SULF2: variants seen among roughly 807,000 people sequenced by gnomAD.
SULF2 encodes sulfatase 2, also known as extracellular sulfatase Sulf-2.
A neutral mutation model predicts 107.7 loss-of-function variants in SULF2; 52 were observed. The ratio of observed to expected loss-of-function variants is 0.48; its 90% CI spans 0.39 to 0.61. The LOEUF (loss-of-function observed/expected upper bound fraction) is 0.61, where lower values mean the gene tolerates loss of function less well. Ranked by LOEUF, SULF2 falls within the 20% of genes least tolerant of loss-of-function variation. SULF2 has a pLI of 0.00. For missense variants in SULF2, 993 were observed against 1,177.3 expected, an observed-to-expected ratio of 0.84 and a Z score of 2.29; for synonymous variants, 460 against 464.3, an observed-to-expected ratio of 0.99 and a Z score of 0.12.
In SULF2 at chr20:47,663,761, A is replaced by C. The variant is rs2087169181; in HGVS notation, c.2058-139T>G. 5 of 1,010,248 alleles carry C rather than the reference A, an allele frequency of 4.9e-6. No individual in the cohort carries two copies. In the South Asian group the frequency reaches 8.2e-5, roughly 16 times the overall value. 62.6% of individuals were successfully genotyped at this position (1,010,248 alleles called of 1,614,324 possible). On this transcript the variant is annotated intron_variant, in intron 15 of 20. Coordinates refer to ENST00000688720, the MANE Select transcript of SULF2 (RefSeq NM_001387048.1). ...ATGGGCATAGCAATTCAGGGTCCCA[A>C]GTCCCAGTGCTGCTCCAAGGCAGAG... is the stretch of plus-strand genomic sequence containing the variant.
chr20:47,773,831 C>A (rs954789044), intron 1 of SULF2, among the ~76,000 whole-genome samples: 1 of 152,174 alleles, frequency 6.6e-6, no homozygotes, highest in African/African-American at 2.4e-5. Context: ...CCTTTTCAGC[C>A]CCACATTTTC....
chr20:47,745,430 T>A (rs1418728775), intron 2 of SULF2, among the ~76,000 whole-genome samples: 2 of 5,512 alleles, frequency 3.6e-4, no homozygotes, highest in African/African-American at 1.9e-3. Flanking sequence ...TATATATATA[T>A]ATATATATAT....
rs115873541 is a variant in SULF2, at chr20:47,690,250, G to A, written c.613C>T (p.Arg205Cys). 75 of 1,567,528 alleles carry A rather than the reference G, an allele frequency of 4.8e-5. No individual in the cohort carries two copies. The highest frequency in any genetic ancestry group is 3.1e-4 in the Admixed American group (17 of 55,610). The change falls in exon 5 of 21, where the codon CGC becomes TGC. Residue 205 changes from arginine (R) to cysteine (C), a missense_variant. Transcript: ENST00000688720. ...LITNDSVSFF[R>C]TSKKMYPHRP... ...TGCGGGTACATCTTCTTGGACGTGC[G>A]GAAGAAGCTCACGCTGTCATTGGTG...
intron 2 of SULF2, among the ~76,000 whole-genome samples, chr20:47,756,192 A>T (rs892418445): frequency 2.6e-5 from 4 of 152,078 alleles, no homozygotes; most frequent in Non-Finnish European, 5.9e-5. Context: ...CCCTCTGCAA[A>T]ATTCTTCAAG....
At chr20:47,740,241 G>C (rs1043349775) in intron 2 of SULF2, among the ~76,000 whole-genome samples, 5 of 152,236 alleles carry the variant, frequency 3.3e-5, no homozygotes, top group African/African-American at 1.2e-4. Flanking sequence ...ACTGGCTAAG[G>C]CTGCACAGCT....
At chr20:47,662,993 C>G in intron 17 of SULF2, 77 bp downstream of exon 17, 1 of 1,535,432 alleles carries the variant, frequency 6.5e-7, no homozygotes, top group Non-Finnish European at 8.9e-7. Flanking sequence ...TCATCACTTC[C>G]CTGAGGTTGG....
intron 20 of SULF2, 134 bp downstream of exon 20, chr20:47,659,265 G>A (rs2086989558): frequency 5.3e-6 from 4 of 750,258 alleles, no homozygotes; most frequent in Non-Finnish European, 9.1e-6. Flanking sequence ...ATGTGCATTA[G>A]TACTTCCCCC....
chr20:47,660,529 C>T (rs766664906), intron 18 of SULF2, among the ~76,000 whole-genome samples: 5 of 152,132 alleles, frequency 3.3e-5, no homozygotes, highest in African/African-American at 4.8e-5. Context: ...CCTTAAATAC[C>T]AAAGGTTTTT....
chr20:47,671,239 G>A (rs1327456292), intron 11 of SULF2, among the ~76,000 whole-genome samples: 2 of 152,232 alleles, frequency 1.3e-5, no homozygotes, highest in African/African-American at 4.8e-5. Flanking sequence ...TGAAGGTGTA[G>A]ACACTTCTTC....
At chr20:47,688,708 G>A (rs560163424) in intron 5 of SULF2, among the ~76,000 whole-genome samples, 74 of 152,330 alleles carry the variant, frequency 4.9e-4, no homozygotes, top group Non-Finnish European at 8.2e-4. Flanking sequence ...CAGCAGCAAT[G>A]CTGCAGCCCC....
chr20:47,687,681 A>G (rs2088056789), intron 5 of SULF2, among the ~76,000 whole-genome samples: 1 of 125,560 alleles, frequency 8.0e-6, no homozygotes, highest in Admixed American at 8.7e-5. Flanking sequence ...GTGTGTCTGT[A>G]ACTGTGTATT....
chr20:47,677,212 G>A (rs1602619128), intron 8 of SULF2, 78 bp from the exon 9 acceptor site: 1 of 1,501,288 alleles, frequency 6.7e-7, no homozygotes, highest in African/African-American at 1.4e-5. Flanking sequence ...GAGCAGGGAC[G>A]GCACCAGGAG....
rs544685438 is a variant in SULF2 at position 47,689,859 on chromosome 20, A to C, written c.737+267T>G. The C allele has an allele frequency of 3.7e-4, 125 of 341,286 alleles. No homozygotes were observed. The Middle Eastern group carries it at 3.8e-3, about 10-fold the overall frequency. The allele number at this position is 341,286 out of a possible 1,614,324, so 21.1% of individuals were successfully genotyped here. On this transcript the variant is annotated intron_variant, in intron 5 of 20. Transcript: ENST00000688720. ...TACACATGGCATTAAAAGGAAACCTATTCTATGCAGTTCCATCCACACACC... is the reference window on the plus strand; with the variant it reads ...TACACATGGCATTAAAAGGAAACCTCTTCTATGCAGTTCCATCCACACACC...
At chr20:47,739,385 A>G (rs1419482938) in intron 2 of SULF2, among the ~76,000 whole-genome samples, 2 of 152,002 alleles carry the variant, frequency 1.3e-5, no homozygotes, top group Non-Finnish European at 2.9e-5. Flanking sequence ...TTTACCACCA[A>G]TCAAGGCACC....
chr20:47,686,697 C>T (rs1208311096), intron 5 of SULF2, among the ~76,000 whole-genome samples: 1 of 152,200 alleles, frequency 6.6e-6, no homozygotes, highest in Non-Finnish European at 1.5e-5. Context: ...TCGTCCGGGG[C>T]AGAAATTGTG....
At chr20:47,786,281 TTCTTCTTCTCCTC>T (rs1437334588), upstream of SULF2, 2 of 151,930 alleles carry the variant, frequency 1.3e-5, no homozygotes, top group African/African-American at 4.8e-5. Flanking sequence ...CTTTTCCGCT[TTCTTCTTCTCCTC>T]TCTCGGAGCT....
intron 4 of SULF2, among the ~76,000 whole-genome samples, chr20:47,701,021 T>C (rs2088550485): frequency 6.6e-6 from 1 of 152,216 alleles, no homozygotes; most frequent in Admixed American, 6.5e-5. Context: ...TGGGTGCATA[T>C]GTCCACTAAA....
At chr20:47,667,548 C>A (rs560037930) in intron 11 of SULF2, among the ~76,000 whole-genome samples, 7 of 152,244 alleles carry the variant, frequency 4.6e-5, no homozygotes, top group Admixed American at 4.6e-4. Context: ...GCCCACAGTT[C>A]CATATGGTCA....
chr20:47,676,703 G>A (rs1029054626), intron 9 of SULF2, 80 bp from the exon 10 acceptor site: 16 of 1,515,324 alleles, frequency 1.1e-5, no homozygotes, highest in Admixed American at 6.1e-5. Flanking sequence ...CCCACCTAGA[G>A]GGGTGCCCCC....
Sources: allele counts gnomAD v4.1 joint callset (sites outside exome capture counted in the v4.1 genomes callset), GRCh38; gene constraint gnomAD v4.1.1; transcripts MANE v1.5; gene names NCBI Gene and HGNC (gene_info 2026-07-23, HGNC 2026-07-21).